The following NCKAP5 variants were observed in gnomAD, a reference collection of about 807,000 sequenced individuals.
NCKAP5 encodes the protein nck-associated protein 5.
A neutral mutation model predicts 167.0 loss-of-function variants in NCKAP5; 92 were observed. The observed-to-expected ratio is 0.55, with a 90% CI of 0.47 to 0.66. The LOEUF is 0.66. NCKAP5 is among the 30% of genes least tolerant of loss of function. NCKAP5 has a pLI of 0.00. For missense variants in NCKAP5, 2,378 were observed against 2,315.0 expected (o/e 1.03, Z -0.56); for synonymous variants, 891 against 877.4 (o/e 1.02, Z -0.27).
chr2:133,382,238 T>C (rs1164724544), intron 3 of NCKAP5, among the ~76,000 whole-genome samples: 1 of 152,186 alleles, frequency 6.6e-6, no homozygotes, highest in South Asian at 2.1e-4. Context: ...TCCTCTTCTC[T>C]ATACCTACCC....
intron 4 of NCKAP5, among the ~76,000 whole-genome samples, chr2:133,217,245 T>A (rs1201151697): frequency 6.6e-6 from 1 of 152,114 alleles, no homozygotes; most frequent in Non-Finnish European, 1.5e-5. Flanking sequence ...AAGTATAAAG[T>A]ACGCAGAAAA....
At chr2:132,766,581 C>A (rs1681512988) in intron 16 of NCKAP5, among the ~76,000 whole-genome samples, 1 of 152,130 alleles carries the variant, frequency 6.6e-6, no homozygotes, top group Non-Finnish European at 1.5e-5. Context: ...GGATAACTAC[C>A]ACTAGACATG....
At chr2:132,702,611 G>A (rs1220472443) in intron 19 of NCKAP5, among the ~76,000 whole-genome samples, 3 of 152,090 alleles carry the variant, frequency 2.0e-5, no homozygotes, top group Non-Finnish European at 2.9e-5. Flanking sequence ...TGGAGAAAAT[G>A]GCAGTTTATT....
At chr2:133,343,382 G>C (rs2115864) in intron 3 of NCKAP5, among the ~76,000 whole-genome samples, 44,489 of 150,806 alleles carry the variant, frequency 0.3, 6,897 homozygotes, top group African/African-American at 0.38. Flanking sequence ...ATGACAAATA[G>C]ATTACCTACA....
At chr2:133,342,753 C>A (rs1683684948) in intron 3 of NCKAP5, among the ~76,000 whole-genome samples, 1 of 152,148 alleles carries the variant, frequency 6.6e-6, no homozygotes. Context: ...GACAAAAGCA[C>A]CCAGAGGTCA....
rs67465455 is a variant in NCKAP5 at position 132,755,881 on chromosome 2, T to TAATAAC, written c.5128+17934_5128+17935insGTTATT. On this transcript the variant is annotated intron_variant, in intron 16 of 19. Coordinates refer to ENST00000409261, the MANE Select transcript of NCKAP5 (RefSeq NM_207363.3). ...ATAATAATAATAATAATAATAATAA[T>TAATAAC]AACTATAATAATAATGAAGATCGAT... Among the ~76,000 whole-genome samples the TAATAAC allele has an allele frequency of 4.7e-5, 7 of 148,184 alleles. No individual in the cohort carries two copies. In the South Asian group the frequency reaches 8.5e-4, roughly 18 times the overall value.
chr2:133,231,703 C>T (rs1049212092), intron 4 of NCKAP5, among the ~76,000 whole-genome samples: 4 of 152,066 alleles, frequency 2.6e-5, no homozygotes, highest in African/African-American at 4.8e-5. Context: ...AAAATACTAA[C>T]GGTACCTATG....
chr2:133,634,001 T>C, the NCKAP5 span, among the ~76,000 whole-genome samples: 29 of 152,304 alleles, frequency 1.9e-4, no homozygotes, highest in East Asian at 2.9e-3. Flanking sequence ...TAGAAACTCT[T>C]ATCTGGACTT....
intron 2 of NCKAP5, among the ~76,000 whole-genome samples, chr2:133,523,494 T>G (rs564668647): frequency 3.3e-4 from 51 of 152,324 alleles, no homozygotes; most frequent in Non-Finnish European, 6.0e-4. Flanking sequence ...GCTTAGGCAT[T>G]AGAAGATTTG....
chr2:133,294,694 G>A (rs1008396207), intron 4 of NCKAP5, among the ~76,000 whole-genome samples: 3 of 152,118 alleles, frequency 2.0e-5, no homozygotes, highest in African/African-American at 4.8e-5. Context: ...TTATTTCAAT[G>A]TTCACTCTAC....
intron 2 of NCKAP5, among the ~76,000 whole-genome samples, chr2:133,534,039 T>C (rs13406470): frequency 0.018 from 2,709 of 152,304 alleles, 89 homozygotes; most frequent in African/African-American, 0.061. Context: ...ATCTGAATTA[T>C]GACCACATCT....
At chr2:133,353,297 A>G (rs1195869236) in intron 3 of NCKAP5, among the ~76,000 whole-genome samples, 1 of 152,176 alleles carries the variant, frequency 6.6e-6, no homozygotes, top group Non-Finnish European at 1.5e-5. Context: ...GACAGAAGGC[A>G]TTTTTGGAGT....
chr2:133,223,700 T>C (rs992972692), intron 4 of NCKAP5, among the ~76,000 whole-genome samples: 1 of 152,196 alleles, frequency 6.6e-6, no homozygotes, highest in African/African-American at 2.4e-5. Context: ...GATTATATGC[T>C]TTAGGAGACT....
At chr2:133,601,982 C>G in the NCKAP5 span, among the ~76,000 whole-genome samples, 1 of 152,046 alleles carries the variant, frequency 6.6e-6, no homozygotes, top group Non-Finnish European at 1.5e-5. Context: ...GTAATGGTGT[C>G]TAAATAATGT....
At chr2:133,234,857 A>T (rs1050290367) in intron 4 of NCKAP5, among the ~76,000 whole-genome samples, 5 of 151,336 alleles carry the variant, frequency 3.3e-5, no homozygotes, top group Non-Finnish European at 5.9e-5. Flanking sequence ...ATTTAGACAC[A>T]GTAAGCAATT....
At chr2:132,982,051 TC>T (rs2077155965) in intron 7 of NCKAP5, among the ~76,000 whole-genome samples, 1 of 152,178 alleles carries the variant, frequency 6.6e-6, no homozygotes, top group South Asian at 2.1e-4. Flanking sequence ...ACGAAAGGCA[TC>T]CGTGGCACTG....
chr2:132,853,102 T>C (rs1689198747), intron 11 of NCKAP5, among the ~76,000 whole-genome samples: 1 of 152,200 alleles, frequency 6.6e-6, no homozygotes, highest in Non-Finnish European at 1.5e-5. Context: ...TCTGAGCACA[T>C]GCACCAAGTT....
intron 8 of NCKAP5, among the ~76,000 whole-genome samples, chr2:132,903,643 C>T (rs1207055200): frequency 6.6e-6 from 1 of 152,098 alleles, no homozygotes; most frequent in Non-Finnish European, 1.5e-5. Flanking sequence ...TTTCATGTCA[C>T]AGGGGAAACA....
intron 7 of NCKAP5, among the ~76,000 whole-genome samples, chr2:132,982,156 A>G (rs1328336876): frequency 6.6e-6 from 1 of 152,242 alleles, no homozygotes. Context: ...TATAATAATG[A>G]TAATATCTAC....
Sources: allele counts gnomAD v4.1 joint callset (sites outside exome capture counted in the v4.1 genomes callset), GRCh38; gene constraint gnomAD v4.1.1; transcripts MANE v1.5; gene names NCBI Gene and HGNC (gene_info 2026-07-23, HGNC 2026-07-21).